SYBU: variants seen among roughly 807,000 people sequenced by gnomAD.
The protein encoded by SYBU is syntabulin, also known as GOLSYN A protein.
A neutral mutation model predicts 35.9 loss-of-function variants in SYBU; 21 were observed. That is an observed-to-expected ratio of 0.58 (90% confidence interval 0.41 to 0.84). SYBU has a LOEUF of 0.84. Among genes scored for constraint, SYBU ranks in the 40% least tolerant of loss-of-function variants. SYBU has a pLI of 0.00. For missense variants in SYBU, 768 were observed against 848.2 expected, an observed-to-expected ratio of 0.91 and a Z score of 1.17; for synonymous variants, 319 against 324.3, an observed-to-expected ratio of 0.98 and a Z score of 0.18.
intron 3 of SYBU, among the ~76,000 whole-genome samples, chr8:109,589,421 A>G (rs2129782633): frequency 6.6e-6 from 1 of 152,338 alleles, no homozygotes; most frequent in South Asian, 2.1e-4. Context: ...GTTTTCGATC[A>G]GCTGCCAGGT....
intron 2 of SYBU, among the ~76,000 whole-genome samples, chr8:109,634,157 ACT>A (rs1482187044): frequency 6.6e-6 from 1 of 151,990 alleles, no homozygotes; most frequent in African/African-American, 2.4e-5. Flanking sequence ...AGCTTTTAAG[ACT>A]CTGCTTTTAC....
chr8:109,610,500 C>T (rs1811056801), intron 3 of SYBU, among the ~76,000 whole-genome samples: 1 of 152,188 alleles, frequency 6.6e-6, no homozygotes, highest in Non-Finnish European at 1.5e-5. Context: ...TACAAATATG[C>T]CAGTCCGTGT....
At position 109,575,477 on chromosome 8, in the gene SYBU, A is replaced by G. The variant is rs1822152169; in HGVS notation, c.1421T>C (p.Val474Ala). 4 of 1,613,938 alleles carry G rather than the reference A, an allele frequency of 2.5e-6. No individual in the cohort carries two copies. Among genetic ancestry groups the G allele is most frequent in the Admixed American group, 1.7e-5 (1 of 59,998 alleles). ...GANVLELLPI[V>A]MGQEEGSVVV... ...CACACTGCCCTCCTCCTGACCCATG[A>G]CTATGGGCAGCAGCTCCAGGACGTT... Residue 474 changes from valine (V) to alanine (A), a missense_variant, in exon 7 of 7, where the codon GTC becomes GCC. By Grantham distance (64) the Val-to-Ala change is moderately conservative (BLOSUM62 0). Coordinates refer to ENST00000276646, the MANE Select transcript of SYBU (RefSeq NM_001099754.2).
At chr8:109,643,983 G>C in intron 1 of SYBU, 1 of 389,256 alleles carries the variant, frequency 2.6e-6, no homozygotes, top group Non-Finnish European at 5.1e-6. Context: ...GCCACTGAAA[G>C]GGACTCTTTG....
intron 2 of SYBU, among the ~76,000 whole-genome samples, chr8:109,629,289 T>C (rs1283596811): frequency 6.6e-6 from 1 of 152,244 alleles, no homozygotes; most frequent in Non-Finnish European, 1.5e-5. Flanking sequence ...ATCTAGCTAA[T>C]ATTTACTGAG....
chr8:109,638,161 A>C (rs1270744480), intron 2 of SYBU, among the ~76,000 whole-genome samples: 1 of 152,248 alleles, frequency 6.6e-6, no homozygotes, highest in East Asian at 1.9e-4. Flanking sequence ...CGCCCCAAGG[A>C]GAACTAGCTT....
intron 4 of SYBU, chr8:109,580,431 G>A (rs1822891789): frequency 5.7e-6 from 1 of 175,230 alleles, no homozygotes; most frequent in Admixed American, 5.5e-5. Flanking sequence ...GAAAATTAAT[G>A]CGGTTCATTT....
chr8:109,629,126 A>G (rs1002986402), intron 2 of SYBU, among the ~76,000 whole-genome samples: 14 of 152,196 alleles, frequency 9.2e-5, no homozygotes, highest in African/African-American at 3.1e-4. Flanking sequence ...ATGAGGGCAA[A>G]GGGATGCAGA....
intron 3 of SYBU, among the ~76,000 whole-genome samples, chr8:109,591,647 G>C (rs1586761953): frequency 6.7e-6 from 1 of 149,956 alleles, no homozygotes; most frequent in Non-Finnish European, 1.5e-5. Flanking sequence ...GAGTAGCTGG[G>C]ACTACAGGCG....
At chr8:109,639,056 C>T (rs762013903) in intron 2 of SYBU, among the ~76,000 whole-genome samples, 3 of 152,050 alleles carry the variant, frequency 2.0e-5, no homozygotes, top group Non-Finnish European at 2.9e-5. Flanking sequence ...CAGTGGAGTG[C>T]GGAGGGAAAA....
intron 1 of SYBU, among the ~76,000 whole-genome samples, chr8:109,678,070 G>A (rs1178457965): frequency 6.8e-6 from 1 of 147,446 alleles, no homozygotes; most frequent in South Asian, 2.2e-4. Context: ...GGAGGTGGGG[G>A]TCGCGGTGAG....
intron 1 of SYBU, among the ~76,000 whole-genome samples, chr8:109,667,352 C>G (rs940197008): frequency 6.6e-6 from 1 of 152,032 alleles, no homozygotes; most frequent in Non-Finnish European, 1.5e-5. Context: ...TCCTCGTGAT[C>G]CGCCCACCTC....
chr8:109,672,394 G>A (rs1817016573), intron 1 of SYBU, among the ~76,000 whole-genome samples: 2 of 152,342 alleles, frequency 1.3e-5, no homozygotes, highest in South Asian at 2.1e-4. Flanking sequence ...GCTAAAGCAA[G>A]GTGGAGCATT....
intron 1 of SYBU, among the ~76,000 whole-genome samples, chr8:109,653,143 G>C (rs1180788203): frequency 6.6e-6 from 1 of 152,000 alleles, no homozygotes; most frequent in African/African-American, 2.4e-5. Context: ...AATGATAAAT[G>C]ATGTTCATAT....
chr8:109,635,173 G>T, intron 2 of SYBU, among the ~76,000 whole-genome samples: 1 of 152,214 alleles, frequency 6.6e-6, no homozygotes, highest in East Asian at 1.9e-4. Flanking sequence ...TGCTGCAATT[G>T]TTTCTGCTGC....
chr8:109,652,564 C>T (rs1042094608), intron 1 of SYBU, among the ~76,000 whole-genome samples: 2 of 152,146 alleles, frequency 1.3e-5, no homozygotes, highest in Non-Finnish European at 2.9e-5. Context: ...CAAGACAATA[C>T]CTGGTGTTTT....
At chr8:109,578,130 G>A (rs1822571646) in intron 5 of SYBU, 113 bp from the exon 6 acceptor site, 4 of 1,212,712 alleles carry the variant, frequency 3.3e-6, no homozygotes, top group Admixed American at 4.7e-5. Context: ...GAATTCATAT[G>A]TTGAACTTCT....
chr8:109,584,275 T>G lies in SYBU; in HGVS notation c.530+1785A>C, dbSNP rs919261673. Among the ~76,000 whole-genome samples the G allele has an allele frequency of 3.3e-5, 5 of 152,320 alleles. No individual in the cohort carries two copies. Among genetic ancestry groups the G allele is most frequent in the South Asian group, 4.1e-4 (2 of 4,828 alleles). On this transcript the variant is annotated intron_variant, in intron 4 of 6. Coordinates refer to ENST00000276646, the MANE Select transcript of SYBU (RefSeq NM_001099754.2). The surrounding 1 kb of genome is among the most constrained non-coding windows in gnomAD (Gnocchi z 4.0). ...TTTGCATATAATTATATTTGGCTAT[T>G]TTATGTTTAATATGTCAAATTTTGA... is the stretch of plus-strand genomic sequence containing the variant.
chr8:109,620,566 T>C (rs1046029344), intron 2 of SYBU, among the ~76,000 whole-genome samples: 1 of 152,210 alleles, frequency 6.6e-6, no homozygotes, highest in Admixed American at 6.5e-5. Flanking sequence ...AATGACTTAT[T>C]TCTCTTGATA....
Sources: allele counts gnomAD v4.1 joint callset (sites outside exome capture counted in the v4.1 genomes callset), GRCh38; gene constraint gnomAD v4.1.1; non-coding constraint Gnocchi (gnomAD v3.1); transcripts MANE v1.5; gene names NCBI Gene and HGNC (gene_info 2026-07-23, HGNC 2026-07-21).